CADM2: variants seen among roughly 807,000 people sequenced by gnomAD.
CADM2 encodes cell adhesion molecule 2.
In CADM2, 12 loss-of-function variants were observed where a neutral mutation model predicts 49.8. The ratio of observed to expected loss-of-function variants is 0.24; its 90% CI spans 0.15 to 0.39. The LOEUF is 0.39. CADM2 is among the 10% of genes least tolerant of loss of function. CADM2 has a pLI of 1.00. For missense variants in CADM2, 378 were observed against 492.3 expected, an observed-to-expected ratio of 0.77 and a Z score of 2.20; for synonymous variants, 214 against 175.4, an observed-to-expected ratio of 1.22 and a Z score of -1.74.
chr3:84,982,617 G>T (rs1465178599), intron 1 of CADM2, among the ~76,000 whole-genome samples: 1 of 145,326 alleles, frequency 6.9e-6, no homozygotes, highest in Admixed American at 7.0e-5. Flanking sequence ...AAATAAAATA[G>T]ATTATTTAGC....
At chr3:85,731,636 A>T (rs903110362) in intron 2 of CADM2, among the ~76,000 whole-genome samples, 4 of 152,152 alleles carry the variant, frequency 2.6e-5, no homozygotes, top group Non-Finnish European at 5.9e-5. Flanking sequence ...TCATAATGGC[A>T]TTCATATGTT....
chr3:85,275,370 C>G (rs368786044), intron 1 of CADM2, among the ~76,000 whole-genome samples: 1 of 151,434 alleles, frequency 6.6e-6, no homozygotes. Flanking sequence ...AATGTTTATG[C>G]TGGGCATCCC....
intron 8 of CADM2, among the ~76,000 whole-genome samples, chr3:85,984,778 A>G (rs1203550573): frequency 6.6e-6 from 1 of 151,970 alleles, no homozygotes; most frequent in African/African-American, 2.4e-5. Context: ...TAAAACTTCA[A>G]ATGAATTGTT....
chr3:85,055,110 C>A (rs1366234739), intron 1 of CADM2, among the ~76,000 whole-genome samples: 1 of 151,786 alleles, frequency 6.6e-6, no homozygotes, highest in Non-Finnish European at 1.5e-5. Context: ...CCCACAGGGC[C>A]ATCATTCTAT....
chr3:85,207,212 T>C (rs1420498232), intron 1 of CADM2, among the ~76,000 whole-genome samples: 1 of 152,160 alleles, frequency 6.6e-6, no homozygotes, highest in Non-Finnish European at 1.5e-5. Flanking sequence ...AAGTGTTGAC[T>C]CTTATTTTCT....
In CADM2 at chr3:85,883,431, C is replaced by G. The variant is rs545791386; in HGVS notation, c.379C>G (p.Leu127Val). Residue 127 changes from leucine to valine, a missense_variant, in exon 4 of 10, where the codon CTC becomes GTC. Transcript: ENST00000383699. ...GCCTGTCAAAACTTCCAAGGCATAT[C>G]TCACCGTTCTGGGTAAGTGCAAGGG... ...TMPVKTSKAY[L>V]TVLGVPEKPQ... is the part of the protein sequence containing the mutation. The G allele has an allele frequency of 3.1e-6, 5 of 1,613,588 alleles. No individual in the cohort carries two copies. The highest frequency in any genetic ancestry group is 4.2e-6 in the Non-Finnish European group (5 of 1,179,664).
intron 1 of CADM2, among the ~76,000 whole-genome samples, chr3:85,360,268 A>G (rs1208188647): frequency 6.6e-6 from 1 of 152,132 alleles, no homozygotes; most frequent in African/African-American, 2.4e-5. Flanking sequence ...ATACCAGTGA[A>G]ACATCTACTA....
At chr3:85,781,756 G>T (rs2070662854) in intron 2 of CADM2, among the ~76,000 whole-genome samples, 1 of 152,136 alleles carries the variant, frequency 6.6e-6, no homozygotes. Flanking sequence ...GCCATGTTTT[G>T]CCAGTGTTTT....
chr3:85,607,005 T>A (rs1198386356), intron 1 of CADM2, among the ~76,000 whole-genome samples: 1 of 152,170 alleles, frequency 6.6e-6, no homozygotes, highest in African/African-American at 2.4e-5. Context: ...TGACATTGTA[T>A]AAGTATTTCA....
intron 1 of CADM2, among the ~76,000 whole-genome samples, chr3:85,583,044 G>C (rs1576862985): frequency 6.6e-6 from 1 of 152,266 alleles, no homozygotes; most frequent in Admixed American, 6.5e-5. Flanking sequence ...TGTATAGGAA[G>C]TGCTGAATAT....
At chr3:85,398,213 GCTC>G (rs1196053264) in intron 1 of CADM2, among the ~76,000 whole-genome samples, 2 of 151,992 alleles carry the variant, frequency 1.3e-5, no homozygotes, top group Non-Finnish European at 2.9e-5. Context: ...GTGTCCAGGG[GCTC>G]TCATTGTTCG....
intron 3 of CADM2, among the ~76,000 whole-genome samples, chr3:85,842,600 A>C (rs1295140057): frequency 6.6e-6 from 1 of 152,076 alleles, no homozygotes; most frequent in East Asian, 1.9e-4. Context: ...GTAACATCAC[A>C]TGTCTTCTTG....
intron 1 of CADM2, among the ~76,000 whole-genome samples, chr3:85,164,142 C>T (rs2040407000): frequency 6.6e-6 from 1 of 151,772 alleles, no homozygotes; most frequent in African/African-American, 2.4e-5. Flanking sequence ...TTCATTTTGC[C>T]TTTGGATTTT....
intron 1 of CADM2, among the ~76,000 whole-genome samples, chr3:85,184,106 A>G (rs1282037912): frequency 6.6e-6 from 1 of 152,158 alleles, no homozygotes. Flanking sequence ...ACAGAAGCCA[A>G]GAAATGAGAG....
At chr3:85,559,083 C>T (rs187306260) in intron 1 of CADM2, among the ~76,000 whole-genome samples, 13 of 152,172 alleles carry the variant, frequency 8.5e-5, no homozygotes, top group Admixed American at 5.2e-4. Context: ...AAATACCTCT[C>T]AAGTGGCTTG....
intron 1 of CADM2, among the ~76,000 whole-genome samples, chr3:85,693,313 G>T (rs879321801): frequency 6.6e-6 from 1 of 152,030 alleles, no homozygotes; most frequent in Non-Finnish European, 1.5e-5. Context: ...TGGCGTGGTG[G>T]CTCACGCCTG....
intron 1 of CADM2, among the ~76,000 whole-genome samples, chr3:85,457,767 G>A (rs1399297856): frequency 6.6e-6 from 1 of 152,050 alleles, no homozygotes; most frequent in Non-Finnish European, 1.5e-5. Context: ...TATAATAAAG[G>A]CAAAGGATGA....
intron 3 of CADM2, among the ~76,000 whole-genome samples, chr3:85,868,534 C>T (rs1004385927): frequency 1.3e-5 from 2 of 152,068 alleles, no homozygotes; most frequent in Non-Finnish European, 1.5e-5. Flanking sequence ...GAATGTCTAA[C>T]GATTTTCTAT....
chr3:85,643,197 G>T (rs148595608), intron 1 of CADM2, among the ~76,000 whole-genome samples: 1 of 152,072 alleles, frequency 6.6e-6, no homozygotes, highest in Non-Finnish European at 1.5e-5. Context: ...AATGTAGCAC[G>T]TATACTTCTT....
Sources: allele counts gnomAD v4.1 joint callset (sites outside exome capture counted in the v4.1 genomes callset), GRCh38; gene constraint gnomAD v4.1.1; transcripts MANE v1.5; gene names NCBI Gene and HGNC (gene_info 2026-07-23, HGNC 2026-07-21).